Variants in ZNF510 observed in about 807,000 individuals in gnomAD.
The protein encoded by ZNF510 is zinc finger protein 510.
A neutral mutation model predicts 18.1 loss-of-function variants in ZNF510; 15 were observed. The observed-to-expected ratio is 0.83, with a 90% CI of 0.55 to 1.28. ZNF510 has a LOEUF of 1.28. ZNF510 is among the 50% of genes most tolerant of loss of function. The pLI, the probability that ZNF510 is intolerant of heterozygous loss-of-function variation, is 0.00. For synonymous variants in ZNF510, 261 were observed against 266.4 expected (o/e 0.98, Z 0.20); for missense variants, 724 against 791.8 (o/e 0.91, Z 1.03).
chr9:96,760,074 T>C lies in ZNF510; in HGVS notation c.756A>G (p.Gln252=). The change falls in exon 6 of 6, where the codon CAA becomes CAG. Residue 252 remains glutamine, a synonymous_variant. Transcript: ENST00000223428. ...PKHPKFQTLE[Q]AFECNKIGKA... ...TTCCAATTTTATTACATTCAAAAGC[T>C]TGCTCCAAAGTTTGAAACTTTGGAT... 6.2e-7 allele frequency: 1 copy of C among 1,611,516 alleles called. No individual in the cohort carries two copies. The highest frequency in any genetic ancestry group is 8.5e-7 in the Non-Finnish European group (1 of 1,179,074).
chr9:96,766,775 A>AAAAC (rs1430445660), intron 3 of ZNF510, among the ~76,000 whole-genome samples: 39 of 152,308 alleles, frequency 2.6e-4, no homozygotes, highest in African/African-American at 8.7e-4. Flanking sequence ...CATAGCTGGG[A>AAAAC]AAACAGAAAA....
In ZNF510 at chr9:96,759,735, T is replaced by G; in HGVS notation, c.1095A>C (p.Val365=). The change falls in exon 6 of 6, where the codon GTA becomes GTC. Residue 365 remains valine (V), a synonymous_variant. Coordinates refer to ENST00000223428, the MANE Select transcript of ZNF510 (RefSeq NM_014930.3). Reference sequence around the variant, plus strand: ...CCCAAGTCTGTGTTCTGTCATTACTTACCAATGGGTTCTCTTCTATGACAG... The same window carrying G: ...CCCAAGTCTGTGTTCTGTCATTACTGACCAATGGGTTCTCTTCTATGACAG... The part of the protein sequence containing the change: ...QTAVIEENPL[V]SNDRTQTWVK... 1 of 1,614,028 alleles carries G rather than the reference T, an allele frequency of 6.2e-7. No individual in the cohort carries two copies. The highest frequency in any genetic ancestry group is 8.5e-7 in the Non-Finnish European group (1 of 1,179,964).
chr9:96,768,736 ATTTAAAATTGTT>A (rs1200327402), intron 3 of ZNF510, among the ~76,000 whole-genome samples: 1 of 152,216 alleles, frequency 6.6e-6, no homozygotes, highest in Non-Finnish European at 1.5e-5. Context: ...GAATTGGAAG[ATTTAAAATTGTT>A]AAGATGACAA....
chr9:96,755,211 A>C lies in ZNF510; in HGVS notation c.*3567T>G, dbSNP rs1849167562. ...CACCCTACAGGGTTCCTGATCCTTA[A>C]TACCAAACCCAGTCATAATCCTCAA... is the stretch of plus-strand genomic sequence containing the variant. On this transcript the variant is annotated 3_prime_UTR_variant, in exon 6 of 6. Transcript: ENST00000223428. Among the ~76,000 whole-genome samples the C allele has an allele frequency of 6.6e-6, 1 of 152,238 alleles. No individual in the cohort carries two copies. The highest frequency in any genetic ancestry group is 2.4e-5 in the African/African-American group (1 of 41,470).
Position 96,776,195 on chromosome 9 carries a change from G to A in ZNF510, c.-126C>T. 1.4e-6 allele frequency: 2 copies of A among 1,409,698 alleles called. No homozygotes were observed. Among genetic ancestry groups the A allele is most frequent in the Non-Finnish European group, 1.9e-6 (2 of 1,075,240 alleles). The allele number at this position is 1,409,698 out of a possible 1,614,324, so 87.3% of individuals were successfully genotyped here. On this transcript the variant is annotated 5_prime_UTR_variant, in exon 2 of 6. Coordinates refer to ENST00000223428, the MANE Select transcript of ZNF510 (RefSeq NM_014930.3). Reference sequence around the variant, plus strand: ...GCCCTGGTGAGGAGGTCTCTGTTCTGTCAGAGAGCAGTTCTTCGGTGGGAC... The same window carrying A: ...GCCCTGGTGAGGAGGTCTCTGTTCTATCAGAGAGCAGTTCTTCGGTGGGAC...
chr9:96,760,726 T>G (rs1849327029), intron 5 of ZNF510, among the ~76,000 whole-genome samples: 1 of 149,808 alleles, frequency 6.7e-6, no homozygotes, highest in Admixed American at 6.6e-5. Flanking sequence ...TTTTCCTAAC[T>G]GGATAGATAG....
intron 3 of ZNF510, among the ~76,000 whole-genome samples, chr9:96,768,144 A>C (rs1300120995): frequency 4.6e-5 from 7 of 152,222 alleles, no homozygotes; most frequent in African/African-American, 1.4e-4. Flanking sequence ...GATGCAGAAA[A>C]AGCATTTGAC....
intron 3 of ZNF510, among the ~76,000 whole-genome samples, chr9:96,773,398 A>G (rs565936995): frequency 2.6e-5 from 4 of 152,200 alleles, no homozygotes; most frequent in African/African-American, 9.6e-5. Context: ...AGGTGGGAAC[A>G]TATTTATTAT....
In ZNF510 at chr9:96,760,162, T is replaced by C. The variant is rs746323337; in HGVS notation, c.668A>G (p.Glu223Gly). The C allele has an allele frequency of 5.0e-6, 8 of 1,612,314 alleles. No individual in the cohort carries two copies. In the Admixed American group the frequency reaches 1.3e-4, roughly 27 times the overall value. ...KINFEKTQTG[E>G]KFYEHNKNMK... ...GTTTTTATTATGTTCATAAAATTTC[T>C]CTCCAGTCTGAGTTTTCTCAAAGTT... is the stretch of plus-strand genomic sequence containing the variant. Residue 223 changes from glutamate to glycine, a missense_variant, in exon 6 of 6, where the codon GAG (glutamate) becomes GGG (glycine). Glu to Gly is a moderately conservative substitution (Grantham distance 98). Coordinates refer to ENST00000223428, the MANE Select transcript of ZNF510 (RefSeq NM_014930.3).
At chr9:96,765,377 C>T (rs1363398524) in intron 3 of ZNF510, among the ~76,000 whole-genome samples, 1 of 152,160 alleles carries the variant, frequency 6.6e-6, no homozygotes, top group African/African-American at 2.4e-5. Context: ...ATTGCCTGAC[C>T]TACATGTTCC....
intron 3 of ZNF510, among the ~76,000 whole-genome samples, chr9:96,767,622 C>T (rs1208619820): frequency 6.6e-6 from 1 of 151,820 alleles, no homozygotes; most frequent in African/African-American, 2.4e-5. Flanking sequence ...ATTACATAAC[C>T]AAGATGAAGT....
intron 2 of ZNF510, among the ~76,000 whole-genome samples, chr9:96,775,065 GTTTTTT>G (rs199701361): frequency 2.2e-5 from 3 of 139,090 alleles, no homozygotes; most frequent in African/African-American, 8.5e-5. Flanking sequence ...GTGTTTTTTT[GTTTTTT>G]TTTTTTGAGA....
intron 5 of ZNF510, among the ~76,000 whole-genome samples, chr9:96,761,589 CAACTTCTCTATGCTTAGAATTCACCA>C (rs1267606372): frequency 5.0e-5 from 7 of 139,482 alleles, no homozygotes; most frequent in African/African-American, 2.0e-4. Context: ...AGAATTCACA[CAACTTCTCTATGCTTAGAATTCACCA>C]GTCTCCTAAT....
In ZNF510 at chr9:96,757,787, ACAT is replaced by A. The variant is rs1849231070; in HGVS notation, c.*988_*990del. On this transcript the variant is annotated 3_prime_UTR_variant, in exon 6 of 6. Coordinates refer to ENST00000223428, the MANE Select transcript of ZNF510 (RefSeq NM_014930.3). ...GACTAATAATGGAATAATTACAACA[ACAT>A]GCCAGAAATGCTCTTGCAATTTCAG... 6.6e-6 allele frequency: 1 copy of A among 151,178 alleles called. No homozygotes were observed. Among genetic ancestry groups the A allele is most frequent in the African/African-American group, 2.5e-5 (1 of 40,452 alleles). The allele number at this position is 151,178 out of a possible 1,614,324, so 9.4% of individuals were successfully genotyped here.
intron 3 of ZNF510, 124 bp downstream of exon 3, chr9:96,774,664 A>G (rs1849650923): frequency 1.2e-6 from 1 of 861,204 alleles, no homozygotes; most frequent in Non-Finnish European, 1.8e-6. Flanking sequence ...CTGCTGTGCT[A>G]CTGCCCTGCT....
At position 96,754,852 on chromosome 9, in the gene ZNF510, CAG is replaced by C; in HGVS notation, c.*3924_*3925del. Reference sequence around the variant, plus strand: ...TGTTTGAGATACACTGTGAATAAAACAGACAAAAATTCCTGCCTTGTTTTCTA... The same window carrying C: ...TGTTTGAGATACACTGTGAATAAAACACAAAAATTCCTGCCTTGTTTTCTA... On this transcript the variant is annotated 3_prime_UTR_variant, in exon 6 of 6. Transcript: ENST00000223428. Among the ~76,000 whole-genome samples, 1 of 152,268 alleles carries C rather than the reference CAG, an allele frequency of 6.6e-6. No homozygotes were observed. The highest frequency in any genetic ancestry group is 1.9e-4 in the East Asian group (1 of 5,184).
At position 96,758,963 on chromosome 9, in the gene ZNF510, T is replaced by C. The variant is rs997837087; in HGVS notation, c.1867A>G (p.Thr623Ala). ...TTACACTGAAAGGGTTTCTCCCCTG[T>C]GTGAATTCTCTGATGATCACTAAGG... Reference protein sequence around the residue: ...AILSDHQRIHTGEKPFQCNKC... With the variant: ...AILSDHQRIHAGEKPFQCNKC... Residue 623 changes from threonine to alanine, a missense_variant, in exon 6 of 6, where the codon ACA becomes GCA. Physicochemically the swap from Thr to Ala is moderately conservative, Grantham distance 58 (BLOSUM62 0). Coordinates refer to ENST00000223428, the MANE Select transcript of ZNF510 (RefSeq NM_014930.3). The C allele has an allele frequency of 2.5e-6, 4 of 1,614,022 alleles. No homozygotes were observed. In the African/African-American group the frequency reaches 4.0e-5, roughly 16 times the overall value.
chr9:96,771,602 A>G (rs1849585896), intron 3 of ZNF510, among the ~76,000 whole-genome samples: 1 of 152,114 alleles, frequency 6.6e-6, no homozygotes, highest in South Asian at 2.1e-4. Context: ...TGTACTAAAC[A>G]TTTTACTGGA....
intron 3 of ZNF510, among the ~76,000 whole-genome samples, chr9:96,769,453 T>G (rs1011370488): frequency 2.1e-5 from 3 of 142,976 alleles, no homozygotes; most frequent in Non-Finnish European, 4.4e-5. Context: ...AAAAAAAAAT[T>G]GGCCTTAAAA....
Sources: allele counts gnomAD v4.1 joint callset (sites outside exome capture counted in the v4.1 genomes callset), GRCh38; gene constraint gnomAD v4.1.1; transcripts MANE v1.5; gene names NCBI Gene and HGNC (gene_info 2026-07-23, HGNC 2026-07-21).